The following MAP3K3 variants were observed in gnomAD, a reference collection of about 807,000 sequenced individuals.
The protein encoded by MAP3K3 is MAP/ERK kinase kinase 3.
In MAP3K3, 12 loss-of-function variants were observed where a neutral mutation model predicts 80.9. The ratio of observed to expected loss-of-function variants is 0.15; its 90% CI spans 0.10 to 0.24. The LOEUF is 0.24. Among genes scored for constraint, MAP3K3 ranks in the 10% least tolerant of loss-of-function variants. MAP3K3 has a pLI of 1.00. For synonymous variants in MAP3K3, 272 were observed against 307.1 expected (o/e 0.89, Z 1.19); for missense variants, 596 against 834.7 (o/e 0.71, Z 3.52).
chr17:63,634,666 C>A, intron 2 of MAP3K3: 2 of 1,500,654 alleles, frequency 1.3e-6, no homozygotes, highest in Non-Finnish European at 1.8e-6. Flanking sequence ...TTATGTTGCA[C>A]GAAGGATACA....
Position 63,694,032 on chromosome 17 carries a change from G to A in MAP3K3, c.*255G>A. Reference sequence around the variant, plus strand: ...CTGAGCTCAGCGTGGAGGGGTAGGGGCTGGGAACAGTGTGCAAGGCAGCCG... The same window carrying A: ...CTGAGCTCAGCGTGGAGGGGTAGGGACTGGGAACAGTGTGCAAGGCAGCCG... On this transcript the variant is annotated 3_prime_UTR_variant, in exon 16 of 16. Coordinates refer to ENST00000361733, the MANE Select transcript of MAP3K3 (RefSeq NM_002401.5). 2.2e-6 allele frequency: 1 copy of A among 456,002 alleles called. No homozygotes were observed. The highest frequency in any genetic ancestry group is 3.4e-5 in the South Asian group (1 of 29,612). The allele number at this position is 456,002 out of a possible 1,614,324, so 28.2% of individuals were successfully genotyped here.
intron 6 of MAP3K3, among the ~76,000 whole-genome samples, chr17:63,675,598 G>A (rs1054842126): frequency 3.3e-5 from 5 of 152,240 alleles, no homozygotes; most frequent in African/African-American, 7.2e-5. Flanking sequence ...GAGCTAGCAC[G>A]CACTGGGTGG....
chr17:63,686,491 C>T (rs1272537783), intron 8 of MAP3K3, among the ~76,000 whole-genome samples: 1 of 152,192 alleles, frequency 6.6e-6, no homozygotes, highest in African/African-American at 2.4e-5. Context: ...CTGTCATAGA[C>T]TGAGGGCTCT....
chr17:63,642,827 G>T (rs891407357), intron 2 of MAP3K3, among the ~76,000 whole-genome samples: 1 of 151,882 alleles, frequency 6.6e-6, no homozygotes, highest in Non-Finnish European at 1.5e-5. Context: ...CGTGATCATG[G>T]CTCACTGCAA....
At chr17:63,645,431 T>G (rs915801161) in intron 2 of MAP3K3, among the ~76,000 whole-genome samples, 2 of 152,154 alleles carry the variant, frequency 1.3e-5, no homozygotes, top group African/African-American at 4.8e-5. Context: ...TGGGGTAGCT[T>G]TGGGAGGGTT....
At position 63,622,521 on chromosome 17, in the gene MAP3K3, C is replaced by G. The variant is rs892902466; in HGVS notation, c.-239C>G. The G allele has an allele frequency of 2.2e-4, 33 of 152,768 alleles. No individual in the cohort carries two copies. The highest frequency in any genetic ancestry group is 8.0e-4 in the African/African-American group (33 of 41,336). The allele number at this position is 152,768 out of a possible 1,614,324, so 9.5% of individuals were successfully genotyped here. A position where few individuals can be genotyped will look rare whatever the true frequency, so the allele number is the denominator to read the frequency against. ...GCCGAGCGGCGCCGCCGAGGCCGGGCTGGGCCGAGCCCAGGAGCGCCCGGG... is the reference window on the plus strand; with the variant it reads ...GCCGAGCGGCGCCGCCGAGGCCGGGGTGGGCCGAGCCCAGGAGCGCCCGGG... On this transcript the variant is annotated 5_prime_UTR_variant, in exon 1 of 16. Coordinates refer to ENST00000361733, the MANE Select transcript of MAP3K3 (RefSeq NM_002401.5).
At chr17:63,649,993 T>C (rs1432631225) in intron 3 of MAP3K3, among the ~76,000 whole-genome samples, 1 of 152,252 alleles carries the variant, frequency 6.6e-6, no homozygotes, top group South Asian at 2.1e-4. Context: ...CACACACTTC[T>C]TCCTCTCAGC....
At chr17:63,650,851 C>T (rs1286237037) in intron 3 of MAP3K3, among the ~76,000 whole-genome samples, 1 of 151,970 alleles carries the variant, frequency 6.6e-6, no homozygotes, top group Admixed American at 6.6e-5. Flanking sequence ...ACTATCACAC[C>T]TGGCTAATTT....
chr17:63,687,444 G>A (rs148782019), intron 8 of MAP3K3, among the ~76,000 whole-genome samples: 54 of 151,308 alleles, frequency 3.6e-4, no homozygotes, highest in African/African-American at 9.7e-4. Context: ...CCCAGGAGGC[G>A]GAGGTTGTAG....
chr17:63,692,433 C>T lies in MAP3K3; in HGVS notation c.1652+14C>T, dbSNP rs1186369745. The T allele has an allele frequency of 6.3e-7, 1 of 1,585,948 alleles. No individual in the cohort carries two copies. The highest frequency in any genetic ancestry group is 8.6e-7 in the Non-Finnish European group (1 of 1,164,400). ...AGCAGACGTGTGGTGAGCACTGGGA[C>T]ATGCAGAACCCATTCTTCCACCCAG... On this transcript the variant is annotated intron_variant, in intron 15 of 15. Transcript: ENST00000361733. This position sits in a 1 kb window ranked among gnomAD's most constrained non-coding sequence, Gnocchi z 4.5.
intron 4 of MAP3K3, among the ~76,000 whole-genome samples, chr17:63,655,751 C>T (rs1425860546): frequency 1.3e-5 from 2 of 152,084 alleles, no homozygotes; most frequent in East Asian, 1.9e-4. Context: ...GCCACAGCCT[C>T]CTAGGATTAC....
At chr17:63,687,098 G>C (rs992384050) in intron 8 of MAP3K3, among the ~76,000 whole-genome samples, 1 of 152,060 alleles carries the variant, frequency 6.6e-6, no homozygotes, top group East Asian at 1.9e-4. Flanking sequence ...AGGCACCGTG[G>C]CTCACGCCTG....
intron 9 of MAP3K3, 70 bp downstream of exon 9, chr17:63,688,664 C>T: frequency 6.7e-7 from 1 of 1,500,250 alleles, no homozygotes. Context: ...TCTGCTTCGA[C>T]TTTTCTGAGT....
At position 63,622,446 on chromosome 17, in the gene MAP3K3, C is replaced by G. The variant is rs910349494; in HGVS notation, c.-314C>G. ...TTCGGAGCGTTCCTGAGGTGGAGAACGGTGGCCGGACGGAGAGACTGCGGG... is the reference window on the plus strand; with the variant it reads ...TTCGGAGCGTTCCTGAGGTGGAGAAGGGTGGCCGGACGGAGAGACTGCGGG... On this transcript the variant is annotated 5_prime_UTR_variant, in exon 1 of 16. Transcript: ENST00000361733. 6.6e-6 allele frequency: 1 copy of G among 152,184 alleles called. No individual in the cohort carries two copies. Among genetic ancestry groups the G allele is most frequent in the East Asian group, 2.0e-4 (1 of 5,064 alleles). 9.4% of individuals were successfully genotyped at this position (152,184 alleles called of 1,614,324 possible).
At chr17:63,661,630 T>C (rs2034892735) in intron 5 of MAP3K3, among the ~76,000 whole-genome samples, 1 of 152,264 alleles carries the variant, frequency 6.6e-6, no homozygotes, top group South Asian at 2.1e-4. Flanking sequence ...TTTGTTTTGT[T>C]ACCTCATATT....
intron 1 of MAP3K3, among the ~76,000 whole-genome samples, chr17:63,623,426 T>A (rs1487888032): frequency 6.6e-6 from 1 of 152,226 alleles, no homozygotes; most frequent in Non-Finnish European, 1.5e-5. Context: ...CACATCCTAC[T>A]TTTTGAAAAA....
chr17:63,660,470 C>T (rs1360176325), intron 5 of MAP3K3, among the ~76,000 whole-genome samples: 1 of 152,028 alleles, frequency 6.6e-6, no homozygotes, highest in Non-Finnish European at 1.5e-5. Context: ...GTCTCAGCCT[C>T]GCAAAGTGCT....
At chr17:63,658,718 G>A (rs1321764267) in intron 5 of MAP3K3, among the ~76,000 whole-genome samples, 1 of 149,814 alleles carries the variant, frequency 6.7e-6, no homozygotes, top group African/African-American at 2.5e-5. Context: ...TGCTGCTCAT[G>A]CTGACCATTT....
chr17:63,627,181 A>G (rs2034119536), intron 1 of MAP3K3, among the ~76,000 whole-genome samples: 1 of 152,196 alleles, frequency 6.6e-6, no homozygotes, highest in East Asian at 1.9e-4. Flanking sequence ...CCACTGGGGA[A>G]TTACTTAAAA....
Sources: gnomAD v4.1 joint callset for allele counts (sites outside exome capture counted in the v4.1 genomes callset) on GRCh38, gnomAD v4.1.1 for gene constraint, Gnocchi (gnomAD v3.1) non-coding constraint, MANE v1.5 for transcripts, NCBI Gene and HGNC (gene_info 2026-07-23, HGNC 2026-07-21) for gene names.